The following PKP1 variants were observed in gnomAD, a reference collection of about 807,000 sequenced individuals.
The protein encoded by PKP1 is plakophilin 1.
In PKP1, 27 loss-of-function variants were observed where a neutral mutation model predicts 76.4. The ratio of observed to expected loss-of-function variants is 0.35; its 90% CI spans 0.26 to 0.49. The LOEUF is 0.49. PKP1 is among the 20% of genes least tolerant of loss of function. PKP1 has a pLI of 0.99. For synonymous variants in PKP1, 404 were observed against 384.2 expected (o/e 1.05, Z -0.60); for missense variants, 964 against 955.2 (o/e 1.01, Z -0.12).
At chr1:201,292,227 C>G (rs766065485) in intron 1 of PKP1, among the ~76,000 whole-genome samples, 1 of 152,106 alleles carries the variant, frequency 6.6e-6, no homozygotes, top group South Asian at 2.1e-4. Flanking sequence ...CTCCTCTGAA[C>G]GCAGTCAGGC....
intron 2 of PKP1, among the ~76,000 whole-genome samples, chr1:201,312,139 C>T (rs1377911472): frequency 6.6e-6 from 1 of 152,242 alleles, no homozygotes; most frequent in East Asian, 1.9e-4. Flanking sequence ...TGTGTGCACG[C>T]AGGCCCCTAG....
At chr1:201,318,566 C>T (rs1656840387) in intron 5 of PKP1, 52 bp from the exon 6 acceptor site, 4 of 1,558,002 alleles carry the variant, frequency 2.6e-6, no homozygotes, top group Non-Finnish European at 3.5e-6. Context: ...ACCTCGGTCC[C>T]TAGGGCATCC....
chr1:201,319,930 C>T (rs756802484), intron 6 of PKP1: 5 of 1,578,524 alleles, frequency 3.2e-6, no homozygotes, highest in Non-Finnish European at 4.4e-6. Flanking sequence ...GGAGCCATTG[C>T]CAGTTATAAA....
chr1:201,319,481 C>G (rs1656872001), intron 6 of PKP1, among the ~76,000 whole-genome samples: 1 of 152,190 alleles, frequency 6.6e-6, no homozygotes, highest in Admixed American at 6.5e-5. Flanking sequence ...GTGGTGGGTG[C>G]AGCTGGCATG....
chr1:201,307,291 A>G (rs903707221), intron 2 of PKP1, among the ~76,000 whole-genome samples: 1 of 152,002 alleles, frequency 6.6e-6, no homozygotes, highest in Non-Finnish European at 1.5e-5. Flanking sequence ...CTCTGCCCAA[A>G]GCAGTGTTCC....
chr1:201,321,714 T>C (rs1421534729), intron 7 of PKP1, among the ~76,000 whole-genome samples: 2 of 152,238 alleles, frequency 1.3e-5, no homozygotes, highest in Non-Finnish European at 2.9e-5. Context: ...TGGACAATTG[T>C]AGTCTCATTT....
intron 7 of PKP1, 38 bp from the exon 8 acceptor site, chr1:201,321,940 G>A (rs749249694): frequency 1.2e-6 from 2 of 1,612,860 alleles, no homozygotes; most frequent in Admixed American, 1.7e-5. Flanking sequence ...TGTCGGGCCG[G>A]GCAGAGGCTC....
chr1:201,309,869 C>T lies in PKP1; in HGVS notation c.307-3297C>T, dbSNP rs73074616. Among the ~76,000 whole-genome samples, 937 of 152,336 alleles carry T rather than the reference C, an allele frequency of 6.2e-3. 8 individuals are homozygous for T. The highest frequency in any genetic ancestry group is 0.022 in the African/African-American group (898 of 41,578). On this transcript the variant is annotated intron_variant, in intron 2 of 13. Transcript: ENST00000367324. ...TGGGACAGCCTATACAAAGAATTGTCCTGCCTCAGGTGCCGACAGCACCCA... is the reference window on the plus strand; with the variant it reads ...TGGGACAGCCTATACAAAGAATTGTTCTGCCTCAGGTGCCGACAGCACCCA...
chr1:201,316,238 G>A, intron 3 of PKP1: 1 of 324,554 alleles, frequency 3.1e-6, no homozygotes, highest in Non-Finnish European at 5.7e-6. Context: ...TGGCAAGGTA[G>A]GTGGGAAGCT....
chr1:201,327,001 G>A (rs1197740084), intron 12 of PKP1, among the ~76,000 whole-genome samples: 1 of 152,188 alleles, frequency 6.6e-6, no homozygotes, highest in Non-Finnish European at 1.5e-5. Flanking sequence ...ACTGGAAAAG[G>A]CCCTGGATCC....
In PKP1 at chr1:201,316,121, T is replaced by TGGACGGACGGACGGATGGACGGAC. The variant is rs1440675082; in HGVS notation, c.702-417_702-416insTGGACGGACGGACGGACGGACGGA. ...ATGGATGGACAGATGGATGGACGGA[T>TGGACGGACGGACGGATGGACGGAC]GGACGGACGGACGGACGGATGGACG... is the stretch of plus-strand genomic sequence containing the variant. On this transcript the variant is annotated intron_variant, in intron 3 of 13. Coordinates refer to ENST00000367324, the MANE Select transcript of PKP1 (RefSeq NM_001005337.3). The TGGACGGACGGACGGATGGACGGAC allele has an allele frequency of 6.5e-4, 89 of 136,220 alleles. 2 individuals carry two copies. The highest frequency in any genetic ancestry group is 1.9e-3 in the East Asian group (8 of 4,264). 8.4% of individuals were successfully genotyped at this position (136,220 alleles called of 1,614,324 possible).
At chr1:201,310,210 C>T (rs778882467) in intron 2 of PKP1, among the ~76,000 whole-genome samples, 2 of 152,234 alleles carry the variant, frequency 1.3e-5, no homozygotes, top group Admixed American at 6.5e-5. Context: ...GATATGATGT[C>T]CCTACCGAGC....
At chr1:201,310,754 G>T (rs530679906) in intron 2 of PKP1, among the ~76,000 whole-genome samples, 2 of 152,230 alleles carry the variant, frequency 1.3e-5, no homozygotes, top group African/African-American at 4.8e-5. Context: ...CTAGGAGCTG[G>T]GGTGGGGTTC....
At chr1:201,290,417 G>A (rs1313729608) in intron 1 of PKP1, among the ~76,000 whole-genome samples, 3 of 152,004 alleles carry the variant, frequency 2.0e-5, no homozygotes, top group East Asian at 1.9e-4. Flanking sequence ...GGGAGAAGAG[G>A]GGCAAAGCAG....
At chr1:201,313,764 T>A (rs1366057439) in intron 3 of PKP1, among the ~76,000 whole-genome samples, 2 of 152,232 alleles carry the variant, frequency 1.3e-5, no homozygotes, top group African/African-American at 4.8e-5. Context: ...AAGTTCTTAG[T>A]GTGAAGGTGA....
intron 11 of PKP1, 60 bp from the exon 12 acceptor site, chr1:201,325,694 G>C: frequency 2.3e-6 from 3 of 1,276,618 alleles, no homozygotes; most frequent in Non-Finnish European, 3.4e-6. Flanking sequence ...GAGGGAAGAG[G>C]GTGCTCCTTC....
In PKP1 at chr1:201,322,078, C is replaced by T. The variant is rs201374321; in HGVS notation, c.1448C>T (p.Ala483Val). The change falls in exon 8 of 14, where the codon GCC becomes GTC. Residue 483 changes from alanine (A) to valine (V), a missense_variant. Transcript: ENST00000367324. ...CAGCTGGAGTATAACGCCCGCAACG[C>T]CTACACCGAGAAGTCCTCCACTGGC... Reference protein sequence around the residue: ...YRQLEYNARNAYTEKSSTGCF... With the variant: ...YRQLEYNARNVYTEKSSTGCF... 12 of 1,613,328 alleles carry T rather than the reference C, an allele frequency of 7.4e-6. No homozygotes were observed. The highest frequency in any genetic ancestry group is 1.0e-5 in the Non-Finnish European group (12 of 1,180,014).
chr1:201,313,663 A>G (rs1196787866), intron 3 of PKP1, 103 bp downstream of exon 3: 2 of 1,250,614 alleles, frequency 1.6e-6, no homozygotes, highest in Non-Finnish European at 2.2e-6. Context: ...GACAGGAGAG[A>G]CATAGCTTCT....
chr1:201,283,589 T>G lies in PKP1; in HGVS notation c.-114T>G. 1 of 929,746 alleles carries G rather than the reference T, an allele frequency of 1.1e-6. No individual in the cohort carries two copies. The highest frequency in any genetic ancestry group is 1.7e-6 in the Non-Finnish European group (1 of 590,494). 57.6% of individuals were successfully genotyped at this position (929,746 alleles called of 1,614,324 possible). A position where few individuals can be genotyped will look rare whatever the true frequency, so the allele number is the denominator to read the frequency against. ...ACGCGGACCACGCACTCTATGGCCG[T>G]AGGGAGCCGCTGAGAGCGAGAAGAG... is the stretch of plus-strand genomic sequence containing the variant. On this transcript the variant is annotated 5_prime_UTR_variant, in exon 1 of 14. Transcript: ENST00000367324.
Sources: gnomAD v4.1 joint callset for allele counts (sites outside exome capture counted in the v4.1 genomes callset) on GRCh38, gnomAD v4.1.1 for gene constraint, MANE v1.5 for transcripts, NCBI Gene and HGNC (gene_info 2026-07-23, HGNC 2026-07-21) for gene names.